MORN1: variants seen among roughly 807,000 people sequenced by gnomAD.
MORN1 encodes MORN repeat containing 1, also known as MORN repeat-containing protein 1.
A neutral mutation model predicts 61.9 loss-of-function variants in MORN1; 67 were observed. The observed-to-expected ratio is 1.08, with a 90% confidence interval of 0.89 to 1.33. The LOEUF is 1.33. MORN1 is among the 40% of genes most tolerant of loss of function. The probability of loss-of-function intolerance (pLI) is 0.00; values close to 1 mark genes in which losing one functional copy is unlikely to be tolerated. For missense variants in MORN1, 752 were observed against 691.2 expected, an observed-to-expected ratio of 1.09 and a Z score of -0.99; for synonymous variants, 301 against 292.0, an observed-to-expected ratio of 1.03 and a Z score of -0.31.
intron 10 of MORN1, among the ~76,000 whole-genome samples, chr1:2,339,979 G>T (rs1321177386): frequency 6.6e-6 from 1 of 152,252 alleles, no homozygotes; most frequent in Non-Finnish European, 1.5e-5. Context: ...CGCCTCCGCC[G>T]CGCGGCTTCT....
At chr1:2,342,999 A>G (rs61288374) in intron 10 of MORN1, among the ~76,000 whole-genome samples, 47,313 of 151,470 alleles carry the variant, frequency 0.31, 8,114 homozygotes, top group African/African-American at 0.45. Flanking sequence ...TCAGCCTCCC[A>G]AAGTGCTGGG....
intron 12 of MORN1, among the ~76,000 whole-genome samples, chr1:2,324,351 G>C (rs1291830128): frequency 1.3e-5 from 2 of 152,192 alleles, no homozygotes; most frequent in African/African-American, 4.8e-5. Flanking sequence ...CGGAACCGTG[G>C]GCTGCCCTGT....
In MORN1 at chr1:2,359,413, T is replaced by G. The variant is rs563108424; in HGVS notation, c.746-698A>C. Among the ~76,000 whole-genome samples, 14 of 152,326 alleles carry G rather than the reference T, an allele frequency of 9.2e-5. No individual in the cohort carries two copies. In the South Asian group the frequency reaches 2.9e-3, roughly 32 times the overall value. On this transcript the variant is annotated intron_variant, in intron 8 of 13. Transcript: ENST00000378531. ...ACTGTGCCCAAGGAGTGGACACCACTGTCCCTCTGAGTTGCTGAGTGCAGA... is the reference window on the plus strand; with the variant it reads ...ACTGTGCCCAAGGAGTGGACACCACGGTCCCTCTGAGTTGCTGAGTGCAGA...
At chr1:2,323,573 G>A (rs1370342679) in intron 13 of MORN1, 8 of 985,172 alleles carry the variant, frequency 8.1e-6, no homozygotes, top group Admixed American at 6.2e-5. Flanking sequence ...GCTGTGGGGC[G>A]ACTGGAGGAG....
intron 4 of MORN1, 91 bp downstream of exon 4, chr1:2,387,328 C>T: frequency 2.1e-6 from 2 of 934,316 alleles, no homozygotes; most frequent in Non-Finnish European, 3.5e-6. Context: ...CAGGCAGGCC[C>T]TCTCAGAGGT....
In MORN1 at chr1:2,324,101, G is replaced by C. The variant is rs1258094130; in HGVS notation, c.1293C>G (p.His431Gln). Residue 431 changes from histidine (H) to glutamine (Q), a missense_variant, in exon 13 of 14, where the codon CAC becomes CAG. Coordinates refer to ENST00000378531, the MANE Select transcript of MORN1 (RefSeq NM_024848.3). ...RATEEQAAAA[H>Q]LGEYVLMIRD... is the part of the protein sequence containing the mutation. ...ACTTGGGCCCTGTCCACCTACCTAG[G>C]TGTGCTGCCGCAGCCTGCTCCTCCG... 2 of 1,599,500 alleles carry C rather than the reference G, an allele frequency of 1.3e-6. No homozygotes were observed. Among genetic ancestry groups the C allele is most frequent in the African/African-American group, 1.3e-5 (1 of 74,868 alleles).
At chr1:2,326,165 CTT>C (rs1335926016) in intron 12 of MORN1, 2 of 152,210 alleles carry the variant, frequency 1.3e-5, no homozygotes, top group Non-Finnish European at 2.9e-5. Flanking sequence ...CGTCGACAAA[CTT>C]AAATCCTACA....
chr1:2,339,418 A>G (rs1641348381), intron 10 of MORN1, among the ~76,000 whole-genome samples: 1 of 152,146 alleles, frequency 6.6e-6, no homozygotes, highest in Admixed American at 6.5e-5. Context: ...GGCTGACCGC[A>G]GCGGCCCCTG....
intron 10 of MORN1, among the ~76,000 whole-genome samples, chr1:2,341,450 C>T (rs999135539): frequency 2.0e-5 from 3 of 152,120 alleles, no homozygotes; most frequent in Admixed American, 6.5e-5. Flanking sequence ...CCCAGCACTT[C>T]GGGAGGCCAA....
At chr1:2,335,964 G>A (rs868681381) in intron 12 of MORN1, among the ~76,000 whole-genome samples, 4 of 152,178 alleles carry the variant, frequency 2.6e-5, no homozygotes, top group South Asian at 4.1e-4. Flanking sequence ...GGCCCTGCAT[G>A]TGCTGTGCCC....
intron 6 of MORN1, among the ~76,000 whole-genome samples, chr1:2,379,521 CT>C (rs1557890884): frequency 1.3e-5 from 2 of 152,146 alleles, no homozygotes. Context: ...TCCACAAAGC[CT>C]GGCAGCACCA....
chr1:2,341,354 GC>G (rs372532545), intron 10 of MORN1, among the ~76,000 whole-genome samples: 3,279 of 152,168 alleles, frequency 0.022, 126 homozygotes, highest in African/African-American at 0.074. Context: ...CCCTGCTCAT[GC>G]CCCCGTCTGC....
intron 13 of MORN1, chr1:2,322,087 C>T (rs959944404): frequency 2.1e-5 from 21 of 985,310 alleles, no homozygotes; most frequent in Non-Finnish European, 2.5e-5. Flanking sequence ...TCCCCACACC[C>T]GCGCTGGGGC....
chr1:2,365,400 T>G (rs1489536332), intron 8 of MORN1, among the ~76,000 whole-genome samples: 4 of 137,628 alleles, frequency 2.9e-5, no homozygotes, highest in African/African-American at 1.1e-4. Flanking sequence ...TTTTTGTACA[T>G]TGATTTTGTA....
chr1:2,382,520 G>A (rs1266791248), intron 6 of MORN1, among the ~76,000 whole-genome samples: 1 of 152,194 alleles, frequency 6.6e-6, no homozygotes, highest in Non-Finnish European at 1.5e-5. Context: ...GCAAGGCGAG[G>A]GAATCGTCAT....
At position 2,348,786 on chromosome 1, in the gene MORN1, CGCACGCACACGCACTCCTGCGCGG is replaced by C. The variant is rs1241041279; in HGVS notation, c.1036+8622_1036+8645del. 3.4e-5 allele frequency among the ~76,000 whole-genome samples: 5 copies of C among 145,782 alleles called. No individual in the cohort carries two copies. The South Asian group carries it at 1.0e-3, about 30-fold the overall frequency. On this transcript the variant is annotated intron_variant, in intron 10 of 13. Transcript: ENST00000378531. ...ACACCTGCGCAGGCACGCACACACA[CGCACGCACACGCACTCCTGCGCGG>C]GCACGCACACACACGCACGCACACG... is the stretch of plus-strand genomic sequence containing the variant.
chr1:2,354,276 A>G (rs1641712937), intron 10 of MORN1, among the ~76,000 whole-genome samples: 1 of 152,138 alleles, frequency 6.6e-6, no homozygotes, highest in African/African-American at 2.4e-5. Context: ...GGGGTTATAC[A>G]GTTTTAAGAA....
chr1:2,348,900 C>T (rs1356622511), intron 10 of MORN1, among the ~76,000 whole-genome samples: 3 of 152,344 alleles, frequency 2.0e-5, no homozygotes, highest in African/African-American at 7.2e-5. Context: ...CAGACATGCA[C>T]ACAAACGCAC....
chr1:2,387,739 G>A (rs1043104039), intron 3 of MORN1: 8 of 577,142 alleles, frequency 1.4e-5, no homozygotes, highest in Non-Finnish European at 1.9e-5. Context: ...ACAGCCCCAG[G>A]CAGACACTCT....
Sources: allele counts gnomAD v4.1 joint callset (sites outside exome capture counted in the v4.1 genomes callset), GRCh38; gene constraint gnomAD v4.1.1; transcripts MANE v1.5; gene names NCBI Gene and HGNC (gene_info 2026-07-23, HGNC 2026-07-21).